The following PPARA variants were observed in gnomAD, a reference collection of about 807,000 sequenced individuals.
PPARA encodes peroxisome proliferator-activated receptor alpha.
A neutral mutation model predicts 42.2 loss-of-function variants in PPARA; 22 were observed. That is an observed-to-expected ratio of 0.52 (90% CI 0.37 to 0.74). PPARA has a LOEUF of 0.74. Ranked by LOEUF, PPARA falls within the 30% of genes least tolerant of loss-of-function variation. The pLI is 0.00. For synonymous variants in PPARA, 242 were observed against 239.3 expected, an observed-to-expected ratio of 1.01 and a Z score of -0.10; for missense variants, 465 against 608.2, an observed-to-expected ratio of 0.76 and a Z score of 2.48.
rs1391176759 is a variant in PPARA at position 46,191,924 on chromosome 22, G to A, written c.-42-6418G>A. Among the ~76,000 whole-genome samples, 1 of 152,198 alleles carries A rather than the reference G, an allele frequency of 6.6e-6. No homozygotes were observed. On this transcript the variant is annotated intron_variant, in intron 3 of 8. Transcript: ENST00000407236. This position sits in a 1 kb window ranked among gnomAD's most constrained non-coding sequence, Gnocchi z 4.6. ...CTACTAAAAATACAAAAGTAGCCGG[G>A]CGTGGTGGCGCACGCCCGTAGTCCC... is the stretch of plus-strand genomic sequence containing the variant.
chr22:46,161,972 T>C lies in PPARA; in HGVS notation c.-127+10002T>C, dbSNP rs1292421141. Among the ~76,000 whole-genome samples the C allele has an allele frequency of 6.6e-6, 1 of 152,140 alleles. No individual in the cohort carries two copies. Among genetic ancestry groups the C allele is most frequent in the Non-Finnish European group, 1.5e-5 (1 of 68,022 alleles). ...CCCTCCCGGAGGCCCTCGCCCTCAG[T>C]GTGTCTGATTCTGAGCTGTCCTGCG... On this transcript the variant is annotated intron_variant, in intron 2 of 8. Coordinates refer to ENST00000407236, the MANE Select transcript of PPARA (RefSeq NM_005036.6). The surrounding 1 kb of genome is among the most constrained non-coding windows in gnomAD (Gnocchi z 4.8).
intron 2 of PPARA, among the ~76,000 whole-genome samples, chr22:46,175,397 G>C (rs1183915440): frequency 6.6e-6 from 1 of 151,912 alleles, no homozygotes; most frequent in Admixed American, 6.6e-5. Flanking sequence ...TCATTAATCT[G>C]TTGCCCATTT....
chr22:46,157,895 G>T (rs1925562580), intron 2 of PPARA, among the ~76,000 whole-genome samples: 1 of 150,350 alleles, frequency 6.7e-6, no homozygotes, highest in African/African-American at 2.5e-5. Flanking sequence ...GAGGAGTGAA[G>T]ATTTCTATTC....
intron 4 of PPARA, among the ~76,000 whole-genome samples, chr22:46,205,219 CATTT>C (rs550063626): frequency 6.0e-5 from 9 of 150,668 alleles, no homozygotes; most frequent in African/African-American, 1.9e-4. Flanking sequence ...ATGGATACTT[CATTT>C]ATTTATTTAT....
At chr22:46,208,899 C>CGTGTGT (rs35658961) in intron 4 of PPARA, among the ~76,000 whole-genome samples, 161 of 148,820 alleles carry the variant, frequency 1.1e-3, no homozygotes, top group African/African-American at 3.9e-3. Flanking sequence ...GAATAGTATT[C>CGTGTGT]GTGTGTGTGT....
Position 46,203,571 on chromosome 22 carries a change from C to G in PPARA, c.208+4980C>G, listed in dbSNP as rs1419834542. On this transcript the variant is annotated intron_variant, in intron 4 of 8. Transcript: ENST00000407236. The surrounding 1 kb of genome is among the most constrained non-coding windows in gnomAD (Gnocchi z 5.8). ...CTAAATCTGGGTTCTTGTGTCATGA[C>G]CAGGAAAAATTAGGCACGTGGACAC... 6.6e-6 allele frequency among the ~76,000 whole-genome samples: 1 copy of G among 152,066 alleles called. No homozygotes were observed. Among genetic ancestry groups the G allele is most frequent in the Non-Finnish European group, 1.5e-5 (1 of 68,016 alleles).
intron 2 of PPARA, chr22:46,164,788 A>G (rs962021057): frequency 1.3e-5 from 2 of 152,210 alleles, no homozygotes; most frequent in African/African-American, 4.8e-5. Flanking sequence ...TTTTAATGAG[A>G]AAGTTATTAT....
At chr22:46,214,447 G>C (rs1237597380) in intron 4 of PPARA, among the ~76,000 whole-genome samples, 1 of 151,832 alleles carries the variant, frequency 6.6e-6, no homozygotes, top group African/African-American at 2.4e-5. Flanking sequence ...TAGGAGATGC[G>C]TGGGTCCGGA....
In PPARA at chr22:46,200,481, A is replaced by C. The variant is rs1233791897; in HGVS notation, c.208+1890A>C. The stretch of plus-strand genomic sequence containing the variant: ...AGTATTTGTGCGTCTAAACATACCA[A>C]AACATATAGTAGAAAAGGTTACAGC... On this transcript the variant is annotated intron_variant, in intron 4 of 8. Coordinates refer to ENST00000407236, the MANE Select transcript of PPARA (RefSeq NM_005036.6). The surrounding 1 kb of genome is among the most constrained non-coding windows in gnomAD (Gnocchi z 4.8). 6.6e-6 allele frequency among the ~76,000 whole-genome samples: 1 copy of C among 152,260 alleles called. No individual in the cohort carries two copies. The highest frequency in any genetic ancestry group is 1.5e-5 in the Non-Finnish European group (1 of 68,050).
At chr22:46,158,743 G>A (rs1424086773) in intron 2 of PPARA, among the ~76,000 whole-genome samples, 1 of 152,154 alleles carries the variant, frequency 6.6e-6, no homozygotes, top group African/African-American at 2.4e-5. Context: ...TTTTCCACAT[G>A]GAACAAAATA....
Position 46,232,116 on chromosome 22 carries a change from A to C in PPARA, c.1036A>C (p.Ser346Arg), listed in dbSNP as rs1345606416. The change falls in exon 8 of 9, where the codon AGC becomes CGC. Residue 346 changes from serine to arginine, a missense_variant. Around this residue, in one of 2 missense-constraint regions of PPARA, gnomAD observed 313 missense variants for 469.1 expected, o/e 0.67. Transcript: ENST00000407236. This position sits in a 1 kb window ranked among gnomAD's most constrained non-coding sequence, Gnocchi z 5.3. ...NGFITREFLK[S>R]LRKPFCDIME... The stretch of plus-strand genomic sequence containing the variant: ...GTTTATAACTCGTGAATTCCTAAAA[A>C]GCCTAAGGAAACCGTTCTGTGATAT... 6.2e-7 allele frequency: 1 copy of C among 1,614,258 alleles called. No individual in the cohort carries two copies. Among genetic ancestry groups the C allele is most frequent in the East Asian group, 2.2e-5 (1 of 44,894 alleles).
rs1452250574 is a variant in PPARA, at chr22:46,184,779, T to C, written c.-43+7943T>C. Among the ~76,000 whole-genome samples the C allele has an allele frequency of 1.3e-5, 2 of 152,174 alleles. No homozygotes were observed. The highest frequency in any genetic ancestry group is 2.9e-5 in the Non-Finnish European group (2 of 68,034). On this transcript the variant is annotated intron_variant, in intron 3 of 8. Coordinates refer to ENST00000407236, the MANE Select transcript of PPARA (RefSeq NM_005036.6). The surrounding 1 kb of genome is among the most constrained non-coding windows in gnomAD (Gnocchi z 4.4). ...CTGAGGCACGAGAATTGCTTTAACC[T>C]GGGAGGTGGAGGTTGCAGTGAGCTG... is the stretch of plus-strand genomic sequence containing the variant.
rs1055689629 is a variant in PPARA at position 46,222,520 on chromosome 22, G to T, written c.711+2506G>T. On this transcript the variant is annotated intron_variant, in intron 7 of 8. Transcript: ENST00000407236. This position sits in a 1 kb window ranked among gnomAD's most constrained non-coding sequence, Gnocchi z 5.9. ...CTTCAGTGAATTCTCCAATTAAATA[G>T]GCCGAGACATTTTAGAAGTTTCCAG... 6.6e-6 allele frequency among the ~76,000 whole-genome samples: 1 copy of T among 152,094 alleles called. No individual in the cohort carries two copies. The highest frequency in any genetic ancestry group is 6.5e-5 in the Admixed American group (1 of 15,268).
intron 4 of PPARA, among the ~76,000 whole-genome samples, chr22:46,199,188 T>G (rs1168530540): frequency 6.6e-6 from 1 of 152,064 alleles, no homozygotes; most frequent in Non-Finnish European, 1.5e-5. Context: ...GGGGGGCAGC[T>G]AGACATTTTT....
In PPARA at chr22:46,191,091, G is replaced by T. The variant is rs542617008; in HGVS notation, c.-42-7251G>T. ...GCCTGTAGTCCCAGCTACTCAGGAG[G>T]CTGAGGCACGAGAATCGCTTGAACC... On this transcript the variant is annotated intron_variant, in intron 3 of 8. Coordinates refer to ENST00000407236, the MANE Select transcript of PPARA (RefSeq NM_005036.6). This position sits in a 1 kb window ranked among gnomAD's most constrained non-coding sequence, Gnocchi z 4.6. Among the ~76,000 whole-genome samples, 5 of 152,296 alleles carry T rather than the reference G, an allele frequency of 3.3e-5. No individual in the cohort carries two copies. The East Asian group carries it at 9.7e-4, about 29-fold the overall frequency.
Position 46,177,725 on chromosome 22 carries a change from T to C in PPARA, c.-43+889T>C, listed in dbSNP as rs550818979. On this transcript the variant is annotated intron_variant, in intron 3 of 8. Coordinates refer to ENST00000407236, the MANE Select transcript of PPARA (RefSeq NM_005036.6). ...GAGACAGATCAGAACCTCAGGCGTG[T>C]ACCCGGTGAGACAGGTCAGAACCTC... 4.6e-5 allele frequency among the ~76,000 whole-genome samples: 7 copies of C among 152,080 alleles called. No homozygotes were observed. The South Asian group carries it at 1.2e-3, about 27-fold the overall frequency.
chr22:46,203,425 T>G lies in PPARA; in HGVS notation c.208+4834T>G, dbSNP rs1368838198. 6.6e-6 allele frequency among the ~76,000 whole-genome samples: 1 copy of G among 152,184 alleles called. No homozygotes were observed. Among genetic ancestry groups the G allele is most frequent in the Non-Finnish European group, 1.5e-5 (1 of 68,030 alleles). On this transcript the variant is annotated intron_variant, in intron 4 of 8. Coordinates refer to ENST00000407236, the MANE Select transcript of PPARA (RefSeq NM_005036.6). This position sits in a 1 kb window ranked among gnomAD's most constrained non-coding sequence, Gnocchi z 5.8. ...TTCTTCCCGGCTTTATTGCCATAAT[T>G]GACATACAATAAACTGCATGTATTT...
chr22:46,170,971 G>A (rs984042648), intron 2 of PPARA, among the ~76,000 whole-genome samples: 1 of 151,772 alleles, frequency 6.6e-6, no homozygotes, highest in Non-Finnish European at 1.5e-5. Flanking sequence ...GACCAGCCTG[G>A]TCAACATGGC....
intron 4 of PPARA, among the ~76,000 whole-genome samples, chr22:46,198,810 G>A (rs1024887687): frequency 3.3e-5 from 5 of 151,786 alleles, no homozygotes; most frequent in African/African-American, 7.3e-5. Context: ...ACAGGTGCCC[G>A]CCACCACGCC....
Sources: allele counts gnomAD v4.1 joint callset (sites outside exome capture counted in the v4.1 genomes callset), GRCh38; gene constraint gnomAD v4.1.1; regional missense constraint gnomAD v4.1.1; non-coding constraint Gnocchi (gnomAD v3.1); transcripts MANE v1.5; gene names NCBI Gene and HGNC (gene_info 2026-07-23, HGNC 2026-07-21).